POU2AF1: variants seen among roughly 807,000 people sequenced by gnomAD.
POU2AF1 encodes POU domain class 2-associating factor 1.
A neutral mutation model predicts 26.3 loss-of-function variants in POU2AF1; 12 were observed. That is an observed-to-expected ratio of 0.46 (90% CI 0.29 to 0.74). POU2AF1 has a LOEUF of 0.74. POU2AF1 is among the 30% of genes least tolerant of loss of function. The pLI, the probability that POU2AF1 is intolerant of heterozygous loss-of-function variation, is 0.09. For synonymous variants in POU2AF1, 175 were observed against 148.0 expected, an observed-to-expected ratio of 1.18 and a Z score of -1.32; for missense variants, 297 against 334.5, an observed-to-expected ratio of 0.89 and a Z score of 0.87.
At chr11:111,372,335 T>C (rs1172484523) in intron 1 of POU2AF1, among the ~76,000 whole-genome samples, 1 of 152,178 alleles carries the variant, frequency 6.6e-6, no homozygotes, top group East Asian at 1.9e-4. Flanking sequence ...GCAGAGACCT[T>C]GTTTTCTTCA....
At chr11:111,364,430 C>G (rs184734634) in intron 1 of POU2AF1, 1 of 152,222 alleles carries the variant, frequency 6.6e-6, no homozygotes, top group South Asian at 2.1e-4. Context: ...TTGCAAACCA[C>G]GTTCACACCA....
chr11:111,358,698 T>TCTCA lies in POU2AF1; in HGVS notation c.147+89_147+90insTGAG, dbSNP rs1555074608. On this transcript the variant is annotated intron_variant, in intron 2 of 4. Transcript: ENST00000393067. The stretch of plus-strand genomic sequence containing the variant: ...CACATACACACACGCATACACATAC[T>TCTCA]CACACACACATACACTCTCACACTA... 4.8e-5 allele frequency: 69 copies of TCTCA among 1,450,760 alleles called. 1 individual carries two copies. The highest frequency in any genetic ancestry group is 2.1e-4 in the Middle Eastern group (1 of 4,736). The allele number at this position is 1,450,760 out of a possible 1,614,324, so 89.9% of individuals were successfully genotyped here. A position where few individuals can be genotyped will look rare whatever the true frequency, so the allele number is the denominator to read the frequency against.
At chr11:111,358,376 T>A (rs73005676) in intron 2 of POU2AF1, among the ~76,000 whole-genome samples, 2,333 of 18,422 alleles carry the variant, frequency 0.13, 67 homozygotes, top group African/African-American at 0.17. Context: ...ACTCACACAC[T>A]CTCTCACACA....
rs1398156261 is a variant in POU2AF1, at chr11:111,357,300, G to A, written c.456+145C>T. 2.1e-5 allele frequency: 23 copies of A among 1,096,174 alleles called. No homozygotes were observed. The South Asian group carries it at 2.4e-4, about 12-fold the overall frequency. 67.9% of individuals were successfully genotyped at this position (1,096,174 alleles called of 1,614,324 possible). On this transcript the variant is annotated intron_variant, in intron 4 of 4. Coordinates refer to ENST00000393067, the MANE Select transcript of POU2AF1 (RefSeq NM_006235.3). The stretch of plus-strand genomic sequence containing the variant: ...TCTCAGGAAATGAGAATCAGAGCAG[G>A]CCTCCATGGAGACCAAGGCGAGCTC...
chr11:111,378,997 A>C (rs1861366397), intron 1 of POU2AF1, among the ~76,000 whole-genome samples, 165 bp downstream of exon 1: 1 of 149,538 alleles, frequency 6.7e-6, no homozygotes, highest in African/African-American at 2.5e-5. Context: ...ACCAGGCTCC[A>C]TCCCGCCCAC....
chr11:111,378,846 G>A (rs1861363115), intron 1 of POU2AF1, among the ~76,000 whole-genome samples: 1 of 152,158 alleles, frequency 6.6e-6, no homozygotes, highest in Non-Finnish European at 1.5e-5. Flanking sequence ...CTTTTGTTGT[G>A]TGAATCATAA....
rs114295633 is a variant in POU2AF1 at position 111,372,991 on chromosome 11, T to C, written c.16+6171A>G. On this transcript the variant is annotated intron_variant, in intron 1 of 4. Coordinates refer to ENST00000393067, the MANE Select transcript of POU2AF1 (RefSeq NM_006235.3). ...AAAAATCTTGAGGACAAGAGCCACATGCCAAGGATGGCAGATTAGAAAGGA... is the reference window on the plus strand; with the variant it reads ...AAAAATCTTGAGGACAAGAGCCACACGCCAAGGATGGCAGATTAGAAAGGA... 3.2e-3 allele frequency among the ~76,000 whole-genome samples: 481 copies of C among 152,328 alleles called. 2 individuals carry two copies. The highest frequency in any genetic ancestry group is 0.011 in the African/African-American group (451 of 41,570).
Position 111,357,445 on chromosome 11 carries a change from C to T in POU2AF1, c.456G>A (p.Thr152=), listed in dbSNP as rs1157944912. 2 of 1,614,100 alleles carry T rather than the reference C, an allele frequency of 1.2e-6. No individual in the cohort carries two copies. The change falls in exon 4 of 5, where the codon ACG becomes ACA. Residue 152 remains threonine, a splice_region_variant and synonymous_variant. Transcript: ENST00000393067. ...GCAGTCCTGCCTTTGTGTGACATAC[C>T]GTGACATTGGTGATGAGTGGCGGAG... ...YASPPLITNV[T]TRSSATPAVG...
At chr11:111,363,546 T>C in intron 1 of POU2AF1, 1 of 930,122 alleles carries the variant, frequency 1.1e-6, no homozygotes, top group Non-Finnish European at 1.3e-6. Flanking sequence ...GGAAAAAAGT[T>C]TGTCTAAAAT....
At chr11:111,369,748 A>G (rs1174756671) in intron 1 of POU2AF1, among the ~76,000 whole-genome samples, 2 of 152,156 alleles carry the variant, frequency 1.3e-5, no homozygotes, top group Admixed American at 6.5e-5. Context: ...CACCTACCCC[A>G]GTGGCCACCC....
rs549125099 is a variant in POU2AF1, at chr11:111,373,558, CA to C, written c.16+5603del. Among the ~76,000 whole-genome samples the C allele has an allele frequency of 3.9e-5, 6 of 152,298 alleles. No homozygotes were observed. The South Asian group carries it at 1.2e-3, about 32-fold the overall frequency. On this transcript the variant is annotated intron_variant, in intron 1 of 4. Coordinates refer to ENST00000393067, the MANE Select transcript of POU2AF1 (RefSeq NM_006235.3). The stretch of plus-strand genomic sequence containing the variant: ...AACTTTAATTTATTTTTTGTATAAA[CA>C]CTCAGGAAAACTCAGCAATTAGAGC...
intron 4 of POU2AF1, among the ~76,000 whole-genome samples, chr11:111,356,386 A>G (rs1015344035): frequency 1.3e-5 from 2 of 152,192 alleles, no homozygotes; most frequent in African/African-American, 4.8e-5. Flanking sequence ...GGCCTTTCAT[A>G]GAAGGTGCTT....
intron 1 of POU2AF1, among the ~76,000 whole-genome samples, chr11:111,359,833 C>G (rs1250506290): frequency 6.6e-6 from 1 of 152,158 alleles, no homozygotes; most frequent in African/African-American, 2.4e-5. Flanking sequence ...TCAGTTGATA[C>G]TTATTGATTA....
At position 111,358,643 on chromosome 11, in the gene POU2AF1, C is replaced by T. The variant is rs368804969; in HGVS notation, c.147+145G>A. 36 of 1,029,048 alleles carry T rather than the reference C, an allele frequency of 3.5e-5. 1 individual carries two copies. In the African/African-American group the frequency reaches 4.9e-4, roughly 14 times the overall value. 63.7% of individuals were successfully genotyped at this position (1,029,048 alleles called of 1,614,324 possible). On this transcript the variant is annotated intron_variant, in intron 2 of 4. Coordinates refer to ENST00000393067, the MANE Select transcript of POU2AF1 (RefSeq NM_006235.3). ...AGATACACATTCTCTCTCACACTAT[C>T]ACACTCTCACACACTCTATCACACA...
chr11:111,358,595 C>T (rs1386642110), intron 2 of POU2AF1, among the ~76,000 whole-genome samples, 193 bp downstream of exon 2: 1 of 102,344 alleles, frequency 9.8e-6, no homozygotes, highest in Non-Finnish European at 2.6e-5. Flanking sequence ...CTCACACACA[C>T]ATACACTCTC....
At chr11:111,374,116 A>ATTTTTTTTTTTTTTTT (rs60260380) in intron 1 of POU2AF1, among the ~76,000 whole-genome samples, 1 of 109,648 alleles carries the variant, frequency 9.1e-6, no homozygotes, top group Non-Finnish European at 1.8e-5. Context: ...GGCAAACTTG[A>ATTTTTTTTTTTTTTTT]TTTTTTTTTT....
chr11:111,358,718 A>ACAC, intron 2 of POU2AF1, 70 bp downstream of exon 2: 2 of 1,510,634 alleles, frequency 1.3e-6, no homozygotes, highest in Non-Finnish European at 1.8e-6. Flanking sequence ...ATACACTCTC[A>ACAC]CACTATCCCT....
At chr11:111,356,883 G>C (rs1222469769) in intron 4 of POU2AF1, among the ~76,000 whole-genome samples, 1 of 152,166 alleles carries the variant, frequency 6.6e-6, no homozygotes, top group Non-Finnish European at 1.5e-5. Context: ...ACTAAACCCA[G>C]AGTCACATAG....
chr11:111,369,110 G>A (rs1471020174), intron 1 of POU2AF1, among the ~76,000 whole-genome samples: 1 of 152,142 alleles, frequency 6.6e-6, no homozygotes, highest in African/African-American at 2.4e-5. Flanking sequence ...GAATCCCCAG[G>A]CAGCAAGATA....
Sources: gnomAD v4.1 joint callset for allele counts (sites outside exome capture counted in the v4.1 genomes callset) on GRCh38, gnomAD v4.1.1 for gene constraint, MANE v1.5 for transcripts, NCBI Gene and HGNC (gene_info 2026-07-23, HGNC 2026-07-21) for gene names.